The following PRKAG2 variants were observed in gnomAD, a reference collection of about 807,000 sequenced individuals.
PRKAG2 encodes protein kinase AMP-activated non-catalytic subunit gamma 2.
Under a neutral mutation model 69.6 loss-of-function variants are expected in PRKAG2, and 26 were observed. The observed-to-expected ratio is 0.37, with a 90% CI of 0.27 to 0.52. The LOEUF (loss-of-function observed/expected upper bound fraction) is 0.52. PRKAG2 is among the 20% of genes least tolerant of loss of function. PRKAG2 has a pLI of 0.90. For missense variants in PRKAG2, 557 were observed against 740.0 expected, an observed-to-expected ratio of 0.75 and a Z score of 2.87; for synonymous variants, 293 against 285.0, an observed-to-expected ratio of 1.03 and a Z score of -0.28.
chr7:151,730,392 T>A (rs1798737999), intron 3 of PRKAG2, among the ~76,000 whole-genome samples: 1 of 152,098 alleles, frequency 6.6e-6, no homozygotes, highest in African/African-American at 2.4e-5. Context: ...TCTGGCCAGG[T>A]GTGGTGGCTC....
intron 1 of PRKAG2, among the ~76,000 whole-genome samples, chr7:151,852,007 C>T (rs1317136061): frequency 2.0e-5 from 3 of 152,084 alleles, no homozygotes; most frequent in Non-Finnish European, 4.4e-5. Flanking sequence ...CAAGCTCTCG[C>T]CTGTCCCGTG....
At chr7:151,669,242 C>T (rs1156850579) in intron 4 of PRKAG2, among the ~76,000 whole-genome samples, 1 of 151,990 alleles carries the variant, frequency 6.6e-6, no homozygotes, top group African/African-American at 2.4e-5. Context: ...TCTCTCACAT[C>T]AGGATACTTG....
chr7:151,561,797 C>T (rs1311229316), intron 14 of PRKAG2, among the ~76,000 whole-genome samples: 1 of 151,728 alleles, frequency 6.6e-6, no homozygotes, highest in East Asian at 1.9e-4. Context: ...GCCAGAAGTG[C>T]TGGTGGGCAC....
At chr7:151,768,528 C>T (rs577076442) in intron 3 of PRKAG2, among the ~76,000 whole-genome samples, 13 of 152,262 alleles carry the variant, frequency 8.5e-5, no homozygotes, top group South Asian at 6.2e-4. Flanking sequence ...TGCACTAGCA[C>T]GATCCTGGCT....
At chr7:151,579,919 A>C (rs1402366397) in intron 6 of PRKAG2, among the ~76,000 whole-genome samples, 1 of 152,242 alleles carries the variant, frequency 6.6e-6, no homozygotes, top group Non-Finnish European at 1.5e-5. Flanking sequence ...TAAGATGCTA[A>C]AATAAAAAAC....
At chr7:151,602,165 C>T (rs1270803939) in intron 5 of PRKAG2, among the ~76,000 whole-genome samples, 1 of 152,194 alleles carries the variant, frequency 6.6e-6, no homozygotes, top group African/African-American at 2.4e-5. Context: ...GTGGAATTGG[C>T]GCAAAACAAA....
intron 1 of PRKAG2, among the ~76,000 whole-genome samples, chr7:151,803,963 T>G (rs1428635465): frequency 2.7e-5 from 4 of 150,064 alleles, no homozygotes; most frequent in African/African-American, 9.9e-5. Context: ...AAAAGTAAAT[T>G]AATAGGATTC....
intron 4 of PRKAG2, among the ~76,000 whole-genome samples, chr7:151,652,966 T>A (rs1249979052): frequency 6.6e-6 from 1 of 152,204 alleles, no homozygotes; most frequent in African/African-American, 2.4e-5. Flanking sequence ...TGAGACCAAC[T>A]GATTTGATAA....
intron 4 of PRKAG2, among the ~76,000 whole-genome samples, chr7:151,645,626 T>C (rs1015827858): frequency 1.3e-5 from 2 of 152,248 alleles, no homozygotes; most frequent in Admixed American, 1.3e-4. Context: ...CAGACACATG[T>C]ACTGTGAATA....
chr7:151,687,564 A>T (rs777795676), intron 3 of PRKAG2, among the ~76,000 whole-genome samples: 1 of 152,228 alleles, frequency 6.6e-6, no homozygotes, highest in Non-Finnish European at 1.5e-5. Flanking sequence ...ATAGTCTGGA[A>T]TGGGCCAGCA....
intron 5 of PRKAG2, among the ~76,000 whole-genome samples, chr7:151,625,894 C>T (rs1822762658): frequency 6.6e-6 from 1 of 152,190 alleles, no homozygotes; most frequent in African/African-American, 2.4e-5. Context: ...TCAGACAGGG[C>T]AGCGAGAAGC....
At chr7:151,639,037 C>T (rs1276098237) in intron 4 of PRKAG2, among the ~76,000 whole-genome samples, 1 of 152,220 alleles carries the variant, frequency 6.6e-6, no homozygotes, top group African/African-American at 2.4e-5. Context: ...CCCGTTCCCA[C>T]TGGGCATTCT....
intron 1 of PRKAG2, among the ~76,000 whole-genome samples, chr7:151,862,291 G>A (rs2079949852): frequency 6.6e-6 from 1 of 151,970 alleles, no homozygotes; most frequent in African/African-American, 2.4e-5. Context: ...CCTAAAATCT[G>A]CCCCTTTTTT....
intron 4 of PRKAG2, among the ~76,000 whole-genome samples, chr7:151,661,987 A>G (rs999849982): frequency 6.6e-6 from 1 of 152,236 alleles, no homozygotes; most frequent in Non-Finnish European, 1.5e-5. Flanking sequence ...AATGCAAATC[A>G]AGACAAGCCT....
chr7:151,819,875 G>T (rs2078728849), intron 1 of PRKAG2, among the ~76,000 whole-genome samples: 1 of 152,212 alleles, frequency 6.6e-6, no homozygotes, highest in African/African-American at 2.4e-5. Context: ...TTTGGAGCAT[G>T]TCACCTGCCC....
At chr7:151,832,316 C>T (rs1264376038) in intron 1 of PRKAG2, among the ~76,000 whole-genome samples, 1 of 151,068 alleles carries the variant, frequency 6.6e-6, no homozygotes, top group African/African-American at 2.5e-5. Context: ...GAGTCTTTGC[C>T]CCACAGAGTT....
chr7:151,832,882 A>T (rs2079070514), intron 1 of PRKAG2, among the ~76,000 whole-genome samples: 1 of 151,932 alleles, frequency 6.6e-6, no homozygotes, highest in African/African-American at 2.4e-5. Flanking sequence ...CCGTGCCCTG[A>T]CCCCACGTTG....
intron 1 of PRKAG2, among the ~76,000 whole-genome samples, chr7:151,795,281 T>C (rs1305836261): frequency 6.6e-6 from 1 of 152,144 alleles, no homozygotes; most frequent in Non-Finnish European, 1.5e-5. Flanking sequence ...CCCCGGGACA[T>C]GCAGGTTGGG....
At chr7:151,564,392 T>G (rs556720773) in intron 13 of PRKAG2, 168 bp from the exon 14 acceptor site, 1 of 654,656 alleles carries the variant, frequency 1.5e-6, no homozygotes, top group Non-Finnish European at 2.7e-6. Flanking sequence ...CCATTGCTAC[T>G]GTTATTTTGT....
Sources: gnomAD v4.1 joint callset for allele counts (sites outside exome capture counted in the v4.1 genomes callset) on GRCh38, gnomAD v4.1.1 for gene constraint, MANE v1.5 for transcripts, NCBI Gene and HGNC (gene_info 2026-07-23, HGNC 2026-07-21) for gene names.